The following PPP4R4 variants were observed in gnomAD, a reference collection of about 807,000 sequenced individuals.
PPP4R4 encodes the protein protein phosphatase 4 regulatory subunit 4.
Under a neutral mutation model 121.8 loss-of-function variants are expected in PPP4R4, and 70 were observed. That is an observed-to-expected ratio of 0.57 (90% CI 0.47 to 0.70). The LOEUF (loss-of-function observed/expected upper bound fraction) is 0.70, where lower values mean the gene tolerates loss of function less well. Among genes scored for constraint, PPP4R4 ranks in the 30% least tolerant of loss-of-function variants. PPP4R4 has a pLI of 0.00. For missense variants in PPP4R4, 875 were observed against 1,033.6 expected (o/e 0.85, Z 2.10); for synonymous variants, 348 against 355.7 (o/e 0.98, Z 0.24).
chr14:94,193,211 G>C (rs1889696520), intron 2 of PPP4R4, among the ~76,000 whole-genome samples: 1 of 152,070 alleles, frequency 6.6e-6, no homozygotes, highest in Non-Finnish European at 1.5e-5. Flanking sequence ...AAGTTACACA[G>C]TTTTCTCTAG....
chr14:94,230,665 G>A lies in PPP4R4; in HGVS notation c.373G>A (p.Val125Met). 1 of 1,612,912 alleles carries A rather than the reference G, an allele frequency of 6.2e-7. No homozygotes were observed. The highest frequency in any genetic ancestry group is 1.7e-5 in the Admixed American group (1 of 60,024). Residue 125 changes from valine (V) to methionine (M), a missense_variant, in exon 4 of 25, where the codon GTG becomes ATG. Val to Met is a conservative substitution (Grantham distance 21). Coordinates refer to ENST00000304338, the MANE Select transcript of PPP4R4 (RefSeq NM_058237.2). The stretch of plus-strand genomic sequence containing the variant: ...TCTGACCATTCTGCAGGACGAATCA[G>A]TGTCAATTCATGCATATACCCACTC... ...SFLTILQDES[V>M]SIHAYTHSFL... is the part of the protein sequence containing the mutation.
chr14:94,254,379 A>C (rs1417090941), intron 16 of PPP4R4, among the ~76,000 whole-genome samples: 1 of 152,238 alleles, frequency 6.6e-6, no homozygotes, highest in Admixed American at 6.5e-5. Flanking sequence ...CCTTTTCCAC[A>C]GCTGCCAGAA....
intron 3 of PPP4R4, among the ~76,000 whole-genome samples, chr14:94,209,032 T>C: frequency 6.6e-6 from 1 of 152,000 alleles, no homozygotes; most frequent in Non-Finnish European, 1.5e-5. Context: ...TGTAATTTAT[T>C]GCTTTATAAA....
intron 6 of PPP4R4, among the ~76,000 whole-genome samples, chr14:94,234,209 G>T (rs1444407410): frequency 1.3e-5 from 2 of 152,252 alleles, no homozygotes; most frequent in African/African-American, 2.4e-5. Flanking sequence ...CAAATGAAAA[G>T]AATGGAATGT....
intron 21 of PPP4R4, 75 bp downstream of exon 21, chr14:94,265,548 A>AT: frequency 8.1e-7 from 1 of 1,233,236 alleles, no homozygotes; most frequent in Non-Finnish European, 1.2e-6. Flanking sequence ...AAGTCACTCT[A>AT]TTAGATGAGA....
chr14:94,275,596 G>A, intron 24 of PPP4R4, 75 bp downstream of exon 24: 3 of 1,498,286 alleles, frequency 2.0e-6, no homozygotes, highest in Non-Finnish European at 1.8e-6. Flanking sequence ...TCCCACTTAA[G>A]TACTTTCCAA....
In PPP4R4 at chr14:94,268,622, T is replaced by C. The variant is rs140722587; in HGVS notation, c.2449+1593T>C. On this transcript the variant is annotated intron_variant, in intron 23 of 24. Coordinates refer to ENST00000304338, the MANE Select transcript of PPP4R4 (RefSeq NM_058237.2). ...TGGGTAATTTATAAAGGAAGAGGTTTAATTGACTCACAGTTCCACACGGCT... is the reference window on the plus strand; with the variant it reads ...TGGGTAATTTATAAAGGAAGAGGTTCAATTGACTCACAGTTCCACACGGCT... Among the ~76,000 whole-genome samples, 248 of 152,288 alleles carry C rather than the reference T, an allele frequency of 1.6e-3. 2 individuals carry two copies. Among genetic ancestry groups the C allele is most frequent in the African/African-American group, 5.8e-3 (241 of 41,546 alleles).
intron 2 of PPP4R4, among the ~76,000 whole-genome samples, chr14:94,194,696 T>G (rs1889775394): frequency 1.3e-5 from 2 of 152,160 alleles, no homozygotes; most frequent in African/African-American, 4.8e-5. Context: ...TGCCTGGGCC[T>G]GAGCTGGAGT....
At chr14:94,208,610 A>G in intron 3 of PPP4R4, 44 bp downstream of exon 3, 1 of 1,485,920 alleles carries the variant, frequency 6.7e-7, no homozygotes, top group Non-Finnish European at 9.3e-7. Flanking sequence ...ATTTTTTCCC[A>G]GTAGCATGTT....
intron 8 of PPP4R4, among the ~76,000 whole-genome samples, chr14:94,238,169 A>C (rs939026457): frequency 6.6e-6 from 1 of 152,238 alleles, no homozygotes; most frequent in Non-Finnish European, 1.5e-5. Context: ...ATACCACAGG[A>C]ACTTCACCAG....
chr14:94,263,961 C>T (rs1893906881), intron 19 of PPP4R4, among the ~76,000 whole-genome samples: 1 of 152,026 alleles, frequency 6.6e-6, no homozygotes, highest in South Asian at 2.1e-4. Context: ...GTCAGTTATA[C>T]CAAGTTTGTT....
rs547122227 is a variant in PPP4R4 at position 94,243,889 on chromosome 14, A to G, written c.1267-746A>G. Reference sequence around the variant, plus strand: ...ATTCTTTGTTCTCATTTTTCAGAATAATAACACTTTGGAAATATTTTTGAC... The same window carrying G: ...ATTCTTTGTTCTCATTTTTCAGAATGATAACACTTTGGAAATATTTTTGAC... On this transcript the variant is annotated intron_variant, in intron 11 of 24. Transcript: ENST00000304338. Among the ~76,000 whole-genome samples, 24 of 152,236 alleles carry G rather than the reference A, an allele frequency of 1.6e-4. No homozygotes were observed. In the South Asian group the frequency reaches 3.5e-3, roughly 22 times the overall value.
intron 8 of PPP4R4, among the ~76,000 whole-genome samples, chr14:94,239,352 C>T (rs1892510719): frequency 8.8e-6 from 1 of 113,440 alleles, no homozygotes; most frequent in Admixed American, 1.0e-4. Context: ...TCCCCCCTCC[C>T]CCCACCCCAC....
chr14:94,237,831 G>A (rs1892424081), intron 8 of PPP4R4, 145 bp downstream of exon 8: 12 of 1,144,806 alleles, frequency 1.0e-5, no homozygotes, highest in Admixed American at 2.3e-5. Context: ...TTCTGTTTTC[G>A]TGTCTTCTTG....
intron 2 of PPP4R4, among the ~76,000 whole-genome samples, chr14:94,206,163 A>C (rs1890448653): frequency 6.7e-6 from 1 of 148,552 alleles, no homozygotes; most frequent in African/African-American, 2.5e-5. Context: ...TTGTATACAC[A>C]CTTAGGTTTG....
chr14:94,203,985 G>T (rs1019594880), intron 2 of PPP4R4, among the ~76,000 whole-genome samples: 1 of 152,038 alleles, frequency 6.6e-6, no homozygotes, highest in Non-Finnish European at 1.5e-5. Flanking sequence ...CCAGTCTGTG[G>T]CTTGTCTTTT....
At chr14:94,219,028 C>G (rs915335750) in intron 3 of PPP4R4, among the ~76,000 whole-genome samples, 1 of 149,392 alleles carries the variant, frequency 6.7e-6, no homozygotes, top group Non-Finnish European at 1.5e-5. Flanking sequence ...TATATCAAAT[C>G]TATACCACAA....
chr14:94,267,160 A>G (rs1299385933), intron 23 of PPP4R4, 131 bp downstream of exon 23: 2 of 582,914 alleles, frequency 3.4e-6, no homozygotes, highest in Non-Finnish European at 5.8e-6. Context: ...TCCCTAAGAA[A>G]TTAAACTTTT....
In PPP4R4 at chr14:94,256,494, T is replaced by C; in HGVS notation, c.1900T>C (p.Ser634Pro). ...TTGCTACCTGTTGCCCAAAGTGAAA[T>C]CTACTCTGAAGATTCCTGCTGATAA... ...KLCYLLPKVK[S>P]TLKIPADKHL... The change falls in exon 17 of 25, where the codon TCT becomes CCT. Residue 634 changes from serine (S) to proline (P), a missense_variant. Transcript: ENST00000304338. 2 of 1,603,272 alleles carry C rather than the reference T, an allele frequency of 1.2e-6. No individual in the cohort carries two copies. Among genetic ancestry groups the C allele is most frequent in the Non-Finnish European group, 1.7e-6 (2 of 1,171,576 alleles).
Sources: allele counts gnomAD v4.1 joint callset (sites outside exome capture counted in the v4.1 genomes callset), GRCh38; gene constraint gnomAD v4.1.1; transcripts MANE v1.5; gene names NCBI Gene and HGNC (gene_info 2026-07-23, HGNC 2026-07-21).